Variants in AFF3 observed in about 807,000 individuals in gnomAD.
AFF3 encodes AF4/FMR2 family member 3.
In AFF3, 32 loss-of-function variants were observed where a neutral mutation model predicts 129.7. That is an observed-to-expected ratio of 0.25 (90% confidence interval 0.19 to 0.33). The LOEUF is 0.33. Ranked by LOEUF, AFF3 falls within the 10% of genes least tolerant of loss-of-function variation. The pLI is 1.00. For missense variants in AFF3, 1,373 were observed against 1,592.0 expected (o/e 0.86, Z 2.34); for synonymous variants, 644 against 635.4 (o/e 1.01, Z -0.20).
At chr2:99,649,157 T>G (rs1225765347) in intron 13 of AFF3, among the ~76,000 whole-genome samples, 1 of 151,326 alleles carries the variant, frequency 6.6e-6, no homozygotes. Flanking sequence ...AAGCAAGGAG[T>G]AAAAAGTCAA....
At chr2:99,850,554 T>A (rs1054601178) in intron 7 of AFF3, among the ~76,000 whole-genome samples, 7 of 152,234 alleles carry the variant, frequency 4.6e-5, no homozygotes, top group Admixed American at 2.6e-4. Flanking sequence ...ACAGTTAGAA[T>A]AATCTACAAA....
chr2:99,550,979 A>G lies in AFF3; in HGVS notation c.*495T>C, dbSNP rs144591269. ...ATTGGGGAATAGTATATTAATACTG[A>G]AAGTAATCAACAGTATAAGAGCAGG... On this transcript the variant is annotated 3_prime_UTR_variant, in exon 25 of 25. Coordinates refer to ENST00000672756, the MANE Select transcript of AFF3 (RefSeq NM_001386135.1). 41 of 366,864 alleles carry G rather than the reference A, an allele frequency of 1.1e-4. No homozygotes were observed. Among genetic ancestry groups the G allele is most frequent in the Middle Eastern group, 7.1e-4 (1 of 1,412 alleles). 22.7% of individuals were successfully genotyped at this position (366,864 alleles called of 1,614,324 possible). A position where few individuals can be genotyped will look rare whatever the true frequency, so the allele number is the denominator to read the frequency against.
At chr2:100,119,010 A>G (rs918577775) in intron 2 of AFF3, among the ~76,000 whole-genome samples, 1 of 152,058 alleles carries the variant, frequency 6.6e-6, no homozygotes, top group Non-Finnish European at 1.5e-5. Flanking sequence ...CATGTTGGCC[A>G]TGCTGGTCAT....
chr2:99,660,312 C>T (rs1453985073), intron 12 of AFF3, among the ~76,000 whole-genome samples: 1 of 152,180 alleles, frequency 6.6e-6, no homozygotes, highest in Non-Finnish European at 1.5e-5. Context: ...AAAATGCAAT[C>T]TGGGCTTGAA....
At chr2:99,925,373 T>A (rs1378170424) in intron 7 of AFF3, among the ~76,000 whole-genome samples, 1 of 152,216 alleles carries the variant, frequency 6.6e-6, no homozygotes, top group African/African-American at 2.4e-5. Flanking sequence ...TATATAAATA[T>A]GTTTATATGC....
chr2:100,038,467 T>C (rs898902673), intron 4 of AFF3, among the ~76,000 whole-genome samples: 1 of 152,028 alleles, frequency 6.6e-6, no homozygotes, highest in Non-Finnish European at 1.5e-5. Flanking sequence ...ATCTCAACCA[T>C]TTTGTGAGCT....
chr2:99,829,761 C>T (rs576767161), intron 8 of AFF3, among the ~76,000 whole-genome samples: 19 of 152,176 alleles, frequency 1.2e-4, no homozygotes, highest in African/African-American at 4.6e-4. Flanking sequence ...ACCATTTGAC[C>T]CAGCAATCCC....
intron 13 of AFF3, among the ~76,000 whole-genome samples, chr2:99,634,604 G>A (rs1683442628): frequency 6.6e-6 from 1 of 152,164 alleles, no homozygotes; most frequent in Non-Finnish European, 1.5e-5. Flanking sequence ...AAATGCTAGT[G>A]AATAGGTAAT....
At chr2:100,138,826 T>C (rs1331901083) in intron 1 of AFF3, among the ~76,000 whole-genome samples, 1 of 150,516 alleles carries the variant, frequency 6.6e-6, no homozygotes, top group Non-Finnish European at 1.5e-5. Context: ...GCGCCTGTAA[T>C]CCCAGCTCCT....
intron 7 of AFF3, among the ~76,000 whole-genome samples, chr2:99,870,584 A>G (rs1691798440): frequency 6.6e-6 from 1 of 152,208 alleles, no homozygotes; most frequent in Admixed American, 6.5e-5. Context: ...AGGAGGTAAA[A>G]CTCATGGAGA....
chr2:100,047,670 T>C (rs532954200), intron 4 of AFF3, among the ~76,000 whole-genome samples: 1 of 152,250 alleles, frequency 6.6e-6, no homozygotes, highest in Non-Finnish European at 1.5e-5. Context: ...AGCCAATGTT[T>C]AGGCAATGCA....
rs1679831078 is a variant in AFF3, at chr2:99,601,515, T to G, written c.1291A>C (p.Ser431Arg). The change falls in exon 14 of 25, where the codon AGC becomes CGC. Residue 431 changes from serine to arginine, a missense_variant. Physicochemically the swap from Ser to Arg is moderately radical, Grantham distance 110. Transcript: ENST00000672756. ...TCGGTCTCCGAGTCAGATCCGGAGC[T>G]GCTCTCTGAGTCGCTGGAGGAGCTG... is the stretch of plus-strand genomic sequence containing the variant. ...SSSSSSDSES[S>R]SGSDSETESS... is the part of the protein sequence containing the mutation. 2.5e-6 allele frequency: 4 copies of G among 1,606,700 alleles called. No individual in the cohort carries two copies. The East Asian group carries it at 6.7e-5, about 27-fold the overall frequency.
At chr2:99,739,202 GTGGTCT>G (rs1337164199) in intron 10 of AFF3, among the ~76,000 whole-genome samples, 1 of 152,014 alleles carries the variant, frequency 6.6e-6, no homozygotes, top group Non-Finnish European at 1.5e-5. Context: ...CAGTGGAAAT[GTGGTCT>G]TTCCTGGGGC....
intron 7 of AFF3, among the ~76,000 whole-genome samples, chr2:99,884,264 T>A (rs926229296): frequency 9.9e-5 from 15 of 152,266 alleles, no homozygotes; most frequent in Admixed American, 2.6e-4. Flanking sequence ...CATTATGGAA[T>A]GATTAAATCA....
chr2:99,779,631 C>T (rs559671774), intron 8 of AFF3, among the ~76,000 whole-genome samples: 4 of 152,276 alleles, frequency 2.6e-5, no homozygotes, highest in Non-Finnish European at 4.4e-5. Context: ...TCACCCGAAG[C>T]GTAAACACTG....
chr2:99,835,279 C>G (rs747348504), intron 8 of AFF3, among the ~76,000 whole-genome samples: 31 of 152,210 alleles, frequency 2.0e-4, no homozygotes, highest in Non-Finnish European at 4.0e-4. Context: ...GATCTACGAC[C>G]TAGCTCTGTC....
At chr2:100,011,597 A>G in intron 4 of AFF3, 1 of 780,724 alleles carries the variant, frequency 1.3e-6, no homozygotes, top group Non-Finnish European at 2.4e-6. Context: ...ACACCACAAG[A>G]AGCTGAAACA....
At chr2:100,053,710 C>T (rs979306997) in intron 4 of AFF3, among the ~76,000 whole-genome samples, 3 of 152,202 alleles carry the variant, frequency 2.0e-5, no homozygotes, top group African/African-American at 7.2e-5. Context: ...GGAACTCCCC[C>T]ATGGAGCTTC....
intron 13 of AFF3, among the ~76,000 whole-genome samples, chr2:99,641,884 G>A (rs144637207): frequency 6.6e-6 from 1 of 152,186 alleles, no homozygotes; most frequent in African/African-American, 2.4e-5. Context: ...GTATGCCAGC[G>A]TTGTGGTATA....
Sources: gnomAD v4.1 joint callset for allele counts (sites outside exome capture counted in the v4.1 genomes callset) on GRCh38, gnomAD v4.1.1 for gene constraint, MANE v1.5 for transcripts, NCBI Gene and HGNC (gene_info 2026-07-23, HGNC 2026-07-21) for gene names.